The following LY75 variants were observed in gnomAD, a reference collection of about 807,000 sequenced individuals.
The protein encoded by LY75 is C-type lectin domain family 13 member B.
In LY75, 185 loss-of-function variants were observed where a neutral mutation model predicts 231.7. That is an observed-to-expected ratio of 0.80 (90% CI 0.71 to 0.90). LY75 has a LOEUF of 0.90. LY75 is among the 40% of genes least tolerant of loss of function. The pLI, the probability that LY75 is intolerant of heterozygous loss-of-function variation, is 0.00. For missense variants in LY75, 1,947 were observed against 2,050.2 expected, an observed-to-expected ratio of 0.95 and a Z score of 0.97; for synonymous variants, 668 against 689.0, an observed-to-expected ratio of 0.97 and a Z score of 0.48.
chr2:159,861,251 AAGG>A (rs1380903693), intron 14 of LY75, among the ~76,000 whole-genome samples: 2 of 152,164 alleles, frequency 1.3e-5, no homozygotes, highest in Admixed American at 1.3e-4. Flanking sequence ...AAATAAACTC[AAGG>A]AGTTTTACAT....
chr2:159,888,293 C>G (rs1015349491), intron 4 of LY75, among the ~76,000 whole-genome samples: 1 of 152,146 alleles, frequency 6.6e-6, no homozygotes, highest in Non-Finnish European at 1.5e-5. Context: ...GTGGGAAGAT[C>G]GCTTGAGCCC....
chr2:159,862,529 A>AT (rs1014701922), intron 14 of LY75, among the ~76,000 whole-genome samples: 1 of 152,144 alleles, frequency 6.6e-6, no homozygotes. Context: ...TTTTGACTAT[A>AT]TATAGAGAGA....
chr2:159,851,567 A>G (rs1381269829), intron 21 of LY75, among the ~76,000 whole-genome samples: 1 of 152,206 alleles, frequency 6.6e-6, no homozygotes, highest in East Asian at 1.9e-4. Context: ...TTATCTTCAA[A>G]TGTCTTTAAT....
chr2:159,815,624 AAGAATAC>A (rs1560063091), intron 30 of LY75, 51 bp from the exon 31 acceptor site: 4 of 1,566,454 alleles, frequency 2.6e-6, no homozygotes, highest in Non-Finnish European at 3.5e-6. Context: ...TGACTTCAAA[AAGAATAC>A]AAAGAACAAC....
chr2:159,885,075 G>A (rs1685543641), intron 6 of LY75, 78 bp downstream of exon 6: 1 of 1,550,852 alleles, frequency 6.4e-7, no homozygotes, highest in Non-Finnish European at 8.7e-7. Context: ...ACGGATGTTG[G>A]AAAAGATTTA....
In LY75 at chr2:159,882,252, T is replaced by C. The variant is rs149911729; in HGVS notation, c.1118A>G (p.Tyr373Cys). The part of the protein sequence containing the change: ...AGWLPNNGFC[Y>C]LLVNESNSWD... The stretch of plus-strand genomic sequence containing the variant: ...GGAATTACTTTCATTTACCAGCAGA[T>C]AGCAAAATCCATTATTTGGCAGCCA... The change falls in exon 7 of 35, where the codon TAT becomes TGT. Residue 373 changes from tyrosine to cysteine, a missense_variant. Physicochemically the swap from Tyr to Cys is radical, Grantham distance 194 (BLOSUM62 -2). Coordinates refer to ENST00000263636, the MANE Select transcript of LY75 (RefSeq NM_002349.4). 1.2e-5 allele frequency: 20 copies of C among 1,613,954 alleles called. No individual in the cohort carries two copies. The highest frequency in any genetic ancestry group is 2.2e-5 in the East Asian group (1 of 44,892).
chr2:159,888,034 C>A (rs1163122270), intron 4 of LY75, among the ~76,000 whole-genome samples: 1 of 152,108 alleles, frequency 6.6e-6, no homozygotes. Context: ...AACACTAGCT[C>A]ATTTGGCTTA....
In LY75 at chr2:159,852,281, C is replaced by T; in HGVS notation, c.2803G>A (p.Val935Ile). Residue 935 changes from valine to isoleucine, a missense_variant, in exon 21 of 35, where the codon GTT (valine) becomes ATT (isoleucine). By Grantham distance (29) the Val-to-Ile change is conservative (BLOSUM62 3). Transcript: ENST00000263636. ...GGGCTGTATTTCTCTAACGAAGAAA[C>T]ATTATATTTTTCACAGATGAAGGGC... Reference protein sequence around the residue: ...KLPFICEKYNVSSLEKYSPDS... With the variant: ...KLPFICEKYNISSLEKYSPDS... 6.2e-7 allele frequency: 1 copy of T among 1,613,984 alleles called. No homozygotes were observed. Among genetic ancestry groups the T allele is most frequent in the Non-Finnish European group, 8.5e-7 (1 of 1,179,948 alleles).
At chr2:159,843,168 C>T (rs570439531) in intron 23 of LY75, among the ~76,000 whole-genome samples, 7 of 151,004 alleles carry the variant, frequency 4.6e-5, no homozygotes, top group South Asian at 2.1e-4. Flanking sequence ...CAGAACCCCA[C>T]GAAAAATGGG....
At chr2:159,865,034 A>C in intron 13 of LY75, 114 bp from the exon 14 acceptor site, 1 of 915,008 alleles carries the variant, frequency 1.1e-6, no homozygotes, top group Non-Finnish European at 1.5e-6. Context: ...CAACATAAAG[A>C]AGTCTTTTGA....
chr2:159,809,898 T>G (rs2556090), intron 32 of LY75, among the ~76,000 whole-genome samples: 140,869 of 152,196 alleles, frequency 0.93, 65,369 homozygotes, highest in African/African-American at 0.96. Flanking sequence ...CGCTAGTCTT[T>G]AATGGCTAAC....
chr2:159,855,571 G>A (rs1008714593), intron 16 of LY75, among the ~76,000 whole-genome samples: 1 of 152,148 alleles, frequency 6.6e-6, no homozygotes, highest in African/African-American at 2.4e-5. Flanking sequence ...GAAGCTGGGC[G>A]GGTCAGTGTG....
chr2:159,889,201 A>G (rs985134899), intron 4 of LY75, among the ~76,000 whole-genome samples: 1 of 152,174 alleles, frequency 6.6e-6, no homozygotes, highest in Non-Finnish European at 1.5e-5. Flanking sequence ...TTCATGGTTG[A>G]GAAGACAATA....
At chr2:159,836,756 T>A (rs1391102281) in intron 25 of LY75, among the ~76,000 whole-genome samples, 1 of 152,230 alleles carries the variant, frequency 6.6e-6, no homozygotes, top group Admixed American at 6.5e-5. Flanking sequence ...CCTAACCCAG[T>A]TAGGGCCTAA....
chr2:159,884,741 C>T (rs1685535437), intron 6 of LY75, among the ~76,000 whole-genome samples: 1 of 152,086 alleles, frequency 6.6e-6, no homozygotes, highest in Admixed American at 6.6e-5. Flanking sequence ...TGCTGGACCC[C>T]ATCCTGTAGT....
chr2:159,882,026 G>A, intron 7 of LY75, 98 bp downstream of exon 7: 2 of 1,403,068 alleles, frequency 1.4e-6, no homozygotes, highest in Non-Finnish European at 1.9e-6. Context: ...TGATCTGTGG[G>A]ATCAAACTGT....
In LY75 at chr2:159,881,132, G is replaced by A. The variant is rs1685423012; in HGVS notation, c.1355C>T (p.Pro452Leu). The change falls in exon 8 of 35, where the codon CCA becomes CTA. Residue 452 changes from proline to leucine, a missense_variant. Pro to Leu is a moderately conservative substitution (Grantham distance 98, BLOSUM62 -3). Coordinates refer to ENST00000263636, the MANE Select transcript of LY75 (RefSeq NM_002349.4). The part of the protein sequence containing the change: ...VTLTYWDENE[P>L]NVPYNKTPNC... ...GGGCGTCTTATTGTAGGGAACATTT[G>A]GCTCATTCTCATCCCAATATGTTAG... is the stretch of plus-strand genomic sequence containing the variant. 3.1e-6 allele frequency: 5 copies of A among 1,613,834 alleles called. No individual in the cohort carries two copies. The highest frequency in any genetic ancestry group is 4.2e-6 in the Non-Finnish European group (5 of 1,179,878).
At position 159,805,054 on chromosome 2, in the gene LY75, A is replaced by G. The variant is rs1365896761; in HGVS notation, c.5159T>C (p.Phe1720Ser). The G allele has an allele frequency of 1.2e-6, 2 of 1,613,126 alleles. No individual in the cohort carries two copies. Among genetic ancestry groups the G allele is most frequent in the African/African-American group, 2.7e-5 (2 of 75,018 alleles). The change falls in exon 35 of 35, where the codon TTC becomes TCC. Residue 1720 changes from phenylalanine (F) to serine (S), a missense_variant. Phe to Ser is a radical substitution (Grantham distance 155). Coordinates refer to ENST00000263636, the MANE Select transcript of LY75 (RefSeq NM_002349.4). The part of the protein sequence containing the change: ...VNEDEIMLPS[F>S]HD ...AACTTTTAGAAGAATTTAGTCATGG[A>G]AAGAAGGAAGCATAATCTCATCTTC...
In LY75 at chr2:159,898,833, C is replaced by A. The variant is rs888529249; in HGVS notation, c.321G>T (p.Trp107Cys). 2.5e-6 allele frequency: 4 copies of A among 1,614,108 alleles called. No homozygotes were observed. Among genetic ancestry groups the A allele is most frequent in the Non-Finnish European group, 3.4e-6 (4 of 1,180,042 alleles). The change falls in exon 2 of 35, where the codon TGG becomes TGT. Residue 107 changes from tryptophan to cysteine, a missense_variant. Trp to Cys is a radical substitution (Grantham distance 215, BLOSUM62 -2). Coordinates refer to ENST00000263636, the MANE Select transcript of LY75 (RefSeq NM_002349.4). ...ACAGAGAGTGGTGCTCACATTTCCA[C>A]CACAGCATGGCACTGGAGTCACAGC... ...MFSCDSSAML[W>C]WKCEHHSLYG...
Sources: gnomAD v4.1 joint callset for allele counts (sites outside exome capture counted in the v4.1 genomes callset) on GRCh38, gnomAD v4.1.1 for gene constraint, MANE v1.5 for transcripts, NCBI Gene and HGNC (gene_info 2026-07-23, HGNC 2026-07-21) for gene names.